Variants in ATP1A3 observed in about 807,000 individuals in gnomAD.
The protein encoded by ATP1A3 is sodium/potassium-transporting ATPase subunit alpha-3.
Under a neutral mutation model 108.8 loss-of-function variants are expected in ATP1A3, and 12 were observed. The ratio of observed to expected loss-of-function variants is 0.11; its 90% CI spans 0.07 to 0.18. The LOEUF (loss-of-function observed/expected upper bound fraction) is 0.18, where lower values mean the gene tolerates loss of function less well. Among genes scored for constraint, ATP1A3 ranks in the 10% least tolerant of loss-of-function variants. The pLI, the probability that ATP1A3 is intolerant of heterozygous loss-of-function variation, is 1.00. For missense variants in ATP1A3, 498 were observed against 1,387.7 expected (o/e 0.36, Z 10.19); for synonymous variants, 539 against 564.5 (o/e 0.95, Z 0.64).
chr19:41,981,289 G>A lies in ATP1A3; in HGVS notation c.1437+213C>T, dbSNP rs1387530157. Among the ~76,000 whole-genome samples the A allele has an allele frequency of 8.6e-5, 13 of 151,872 alleles. No individual in the cohort carries two copies. The highest frequency in any genetic ancestry group is 4.1e-4 in the South Asian group (2 of 4,820). The stretch of plus-strand genomic sequence containing the variant: ...TCTGGTGTTAAAGGTGTGAGCCACC[G>A]CGCCTGGCCTGCAGGAAGATCTTTA... On this transcript the variant is annotated intron_variant, in intron 11 of 22. Coordinates refer to ENST00000648268, the MANE Select transcript of ATP1A3 (RefSeq NM_152296.5). This position sits in a 1 kb window ranked among gnomAD's most constrained non-coding sequence, Gnocchi z 5.0.
intron 1 of ATP1A3, among the ~76,000 whole-genome samples, chr19:41,989,101 G>A (rs1039239659): frequency 3.3e-5 from 5 of 151,854 alleles, no homozygotes; most frequent in South Asian, 2.1e-4. Flanking sequence ...CACCACGCCC[G>A]GCTAATTTTT....
At chr19:41,993,614 C>T in intron 1 of ATP1A3, 2 of 853,098 alleles carry the variant, frequency 2.3e-6, no homozygotes, top group African/African-American at 1.7e-5. Flanking sequence ...CATCCCACAA[C>T]GTGGACCTAT....
intron 18 of ATP1A3, 139 bp downstream of exon 18, chr19:41,970,046 C>G (rs1406394378): frequency 1.1e-4 from 150 of 1,411,010 alleles, no homozygotes; most frequent in Admixed American, 1.9e-4. Context: ...CAGACCCCCC[C>G]CACAGATAGC....
chr19:41,967,727 C>G lies in ATP1A3; in HGVS notation c.2856G>C (p.Thr952=), dbSNP rs148292376. ...KILIFGLFEE[T]ALAAFLSYCP... Reference sequence around the variant, plus strand: ...AGTAGGACAGGAAGGCAGCCAGGGCCGTCTCCTCAAACAGCCCGAAGATCA... The same window carrying G: ...AGTAGGACAGGAAGGCAGCCAGGGCGGTCTCCTCAAACAGCCCGAAGATCA... Residue 952 remains threonine, a synonymous_variant, in exon 21 of 23, where the codon ACG becomes ACC. Coordinates refer to ENST00000648268, the MANE Select transcript of ATP1A3 (RefSeq NM_152296.5). The surrounding 1 kb of genome is among the most constrained non-coding windows in gnomAD (Gnocchi z 4.2). The G allele has an allele frequency of 1.2e-6, 2 of 1,614,042 alleles. No individual in the cohort carries two copies. Among genetic ancestry groups the G allele is most frequent in the Middle Eastern group, 1.7e-4 (1 of 6,060 alleles).
intron 16 of ATP1A3, among the ~76,000 whole-genome samples, chr19:41,971,388 G>A (rs1056018650): frequency 3.9e-5 from 6 of 152,024 alleles, no homozygotes; most frequent in Admixed American, 1.3e-4. Flanking sequence ...CGAGTAATCC[G>A]ACTCCTAGGT....
In ATP1A3 at chr19:41,981,147, C is replaced by A. The variant is rs1344534751; in HGVS notation, c.1437+355G>T. On this transcript the variant is annotated intron_variant, in intron 11 of 22. Coordinates refer to ENST00000648268, the MANE Select transcript of ATP1A3 (RefSeq NM_152296.5). The surrounding 1 kb of genome is among the most constrained non-coding windows in gnomAD (Gnocchi z 5.0). ...AAATCGCTGAGACCACAGGCACATA[C>A]CACCACACCTGGCTAATTAAAAAAA... is the stretch of plus-strand genomic sequence containing the variant. Among the ~76,000 whole-genome samples the A allele has an allele frequency of 6.6e-6, 1 of 151,576 alleles. No individual in the cohort carries two copies. Among genetic ancestry groups the A allele is most frequent in the Non-Finnish European group, 1.5e-5 (1 of 67,934 alleles).
At position 41,992,420 on chromosome 19, in the gene ATP1A3, T is replaced by C. The variant is rs544396325; in HGVS notation, c.6+1651A>G. Among the ~76,000 whole-genome samples, 53 of 152,224 alleles carry C rather than the reference T, an allele frequency of 3.5e-4. 2 individuals carry two copies. In the South Asian group the frequency reaches 0.011, roughly 30 times the overall value. ...CCGCCTCTGCAGCTCCTTGCCATTTTCCATGCTGTCCGCCTCTCCCTGATC... is the reference window on the plus strand; with the variant it reads ...CCGCCTCTGCAGCTCCTTGCCATTTCCCATGCTGTCCGCCTCTCCCTGATC... On this transcript the variant is annotated intron_variant, in intron 1 of 22. Coordinates refer to ENST00000648268, the MANE Select transcript of ATP1A3 (RefSeq NM_152296.5).
rs782724935 is a variant in ATP1A3 at position 41,967,300 on chromosome 19, T to C, written c.2962A>G (p.Ile988Val). The C allele has an allele frequency of 1.2e-6, 2 of 1,612,728 alleles. No individual in the cohort carries two copies. The highest frequency in any genetic ancestry group is 1.3e-5 in the African/African-American group (1 of 75,004). ...WFCAFPYSFLIFVYDEIRKLI... is the reference protein window; with the variant it reads ...WFCAFPYSFLVFVYDEIRKLI... ...TTGCGGATTTCGTCGTAGACGAAGATGAGGAAACTGTAGGGGAAGGCACAG... is the reference window on the plus strand; with the variant it reads ...TTGCGGATTTCGTCGTAGACGAAGACGAGGAAACTGTAGGGGAAGGCACAG... Residue 988 changes from isoleucine to valine, a missense_variant, in exon 22 of 23, where the codon ATC becomes GTC. Coordinates refer to ENST00000648268, the MANE Select transcript of ATP1A3 (RefSeq NM_152296.5). This position sits in a 1 kb window ranked among gnomAD's most constrained non-coding sequence, Gnocchi z 4.2.
chr19:41,986,368 G>C, intron 4 of ATP1A3, 139 bp from the exon 5 acceptor site: 1 of 743,024 alleles, frequency 1.3e-6, no homozygotes, highest in Non-Finnish European at 2.3e-6. Flanking sequence ...TTGGTTATGA[G>C]GGTTGGTGTG....
In ATP1A3 at chr19:41,967,668, G is replaced by A; in HGVS notation, c.2915C>T (p.Pro972Leu). The A allele has an allele frequency of 6.2e-7, 1 of 1,614,012 alleles. No individual in the cohort carries two copies. Among genetic ancestry groups the A allele is most frequent in the Non-Finnish European group, 8.5e-7 (1 of 1,179,944 alleles). Residue 972 changes from proline to leucine, a missense_variant, in exon 21 of 23, where the codon CCT (proline) becomes CTT (leucine). Physicochemically the swap from Pro to Leu is moderately conservative, Grantham distance 98 (BLOSUM62 -3). This residue lies in a region of ATP1A3 where 121 missense variants were observed against 425.1 expected (regional missense o/e 0.28). Transcript: ENST00000648268. The surrounding 1 kb of genome is among the most constrained non-coding windows in gnomAD (Gnocchi z 4.2). ...PGMDVALRMY[P>L]LKPSWWFCAF... ...GGGGCAGCGGGGCACTCACTTGAGA[G>A]GGTACATGCGCAGGGCCACGTCCAT...
At chr19:41,992,690 T>C (rs111969825) in intron 1 of ATP1A3, among the ~76,000 whole-genome samples, 114 of 151,706 alleles carry the variant, frequency 7.5e-4, no homozygotes, top group African/African-American at 2.7e-3. Context: ...GCCATGTCTC[T>C]CTGCTTGTCT....
At chr19:41,984,874 G>A in intron 8 of ATP1A3, 44 bp downstream of exon 8, 1 of 1,584,634 alleles carries the variant, frequency 6.3e-7, no homozygotes. Context: ...CAGGAGCCCA[G>A]ACCCCCAGGC....
intron 16 of ATP1A3, among the ~76,000 whole-genome samples, chr19:41,975,075 G>T (rs1377002053): frequency 2.7e-5 from 4 of 150,484 alleles, no homozygotes; most frequent in Non-Finnish European, 4.4e-5. Context: ...TTTTTGAGAC[G>T]GAGTCTCGCT....
chr19:41,988,678 C>G lies in ATP1A3; in HGVS notation c.7-116G>C. 6.3e-7 allele frequency: 1 copy of G among 1,591,002 alleles called. No individual in the cohort carries two copies. The highest frequency in any genetic ancestry group is 8.5e-7 in the Non-Finnish European group (1 of 1,170,888). On this transcript the variant is annotated intron_variant, in intron 1 of 22. Transcript: ENST00000648268. This position sits in a 1 kb window ranked among gnomAD's most constrained non-coding sequence, Gnocchi z 5.3. ...ATCCTCCTGGCCGGTGCCCCTGCAT[C>G]TCTGGGTGGGGGGTCTCTGTCTGCC...
Position 41,981,655 on chromosome 19 carries a change from G to A in ATP1A3, c.1303-19C>T, listed in dbSNP as rs1555863416. 1.9e-6 allele frequency: 3 copies of A among 1,614,072 alleles called. No homozygotes were observed. ...CATCCCTCTGCAAGGAGAAAGGGTT[G>A]TCAGAACAGGGACAGCTGAGGGGAG... is the stretch of plus-strand genomic sequence containing the variant. On this transcript the variant is annotated intron_variant, in intron 10 of 22. Transcript: ENST00000648268. This position sits in a 1 kb window ranked among gnomAD's most constrained non-coding sequence, Gnocchi z 5.0.
At position 41,978,202 on chromosome 19, in the gene ATP1A3, G is replaced by C; in HGVS notation, c.1755C>G (p.Pro585=). Residue 585 remains proline, a synonymous_variant, in exon 13 of 23, where the codon CCC becomes CCG. Coordinates refer to ENST00000648268, the MANE Select transcript of ATP1A3 (RefSeq NM_152296.5). The surrounding 1 kb of genome is among the most constrained non-coding windows in gnomAD (Gnocchi z 8.3). ...FVGLMSMIDP[P]RAAVPDAVGK... ...CCACCGCGTCAGGGACGGCTGCCCG[G>C]GGTGGGTCGATCATGGACATGAGGC... 1 of 1,614,230 alleles carries C rather than the reference G, an allele frequency of 6.2e-7. No individual in the cohort carries two copies. Among genetic ancestry groups the C allele is most frequent in the African/African-American group, 1.3e-5 (1 of 75,066 alleles).
At position 41,988,780 on chromosome 19, in the gene ATP1A3, C is replaced by T. The variant is rs1205112047; in HGVS notation, c.7-218G>A. Among the ~76,000 whole-genome samples, 4 of 152,038 alleles carry T rather than the reference C, an allele frequency of 2.6e-5. No individual in the cohort carries two copies. The highest frequency in any genetic ancestry group is 4.4e-5 in the Non-Finnish European group (3 of 68,004). On this transcript the variant is annotated intron_variant, in intron 1 of 22. Coordinates refer to ENST00000648268, the MANE Select transcript of ATP1A3 (RefSeq NM_152296.5). This position sits in a 1 kb window ranked among gnomAD's most constrained non-coding sequence, Gnocchi z 5.3. ...TCTGCCTCTGGTGACTCTCAGGCCT[C>T]GTGAGTCTCATCTGCTGCAATCAGC...
intron 16 of ATP1A3, among the ~76,000 whole-genome samples, chr19:41,970,756 C>A (rs61355139): frequency 1.3e-5 from 2 of 151,422 alleles, no homozygotes; most frequent in East Asian, 3.9e-4. Context: ...CTCAGCCTCC[C>A]GAGTAGCTGG....
chr19:41,979,375 C>T (rs376282808), intron 11 of ATP1A3, among the ~76,000 whole-genome samples: 20 of 151,926 alleles, frequency 1.3e-4, no homozygotes, highest in African/African-American at 4.3e-4. Flanking sequence ...AGAACAGTGG[C>T]GAGATCACAG....
Sources: gnomAD v4.1 joint callset for allele counts (sites outside exome capture counted in the v4.1 genomes callset) on GRCh38, gnomAD v4.1.1 for gene constraint, gnomAD v4.1.1 regional missense constraint, Gnocchi (gnomAD v3.1) non-coding constraint, MANE v1.5 for transcripts, NCBI Gene and HGNC (gene_info 2026-07-23, HGNC 2026-07-21) for gene names.